STK32B: variants seen among roughly 807,000 people sequenced by gnomAD.
The protein encoded by STK32B is serine/threonine kinase 32B, also known as serine/threonine-protein kinase 32B.
In STK32B, 43 loss-of-function variants were observed where a neutral mutation model predicts 52.6. The observed-to-expected ratio is 0.82, with a 90% CI of 0.64 to 1.05. STK32B has a LOEUF of 1.05. Among genes scored for constraint, STK32B ranks in the 50% least tolerant of loss-of-function variants. The pLI is 0.00. For missense variants in STK32B, 621 were observed against 534.6 expected (o/e 1.16, Z -1.59); for synonymous variants, 238 against 204.3 (o/e 1.17, Z -1.41).
intron 3 of STK32B, among the ~76,000 whole-genome samples, chr4:5,250,473 T>C (rs28882123): frequency 0.088 from 13,414 of 152,012 alleles, 891 homozygotes; most frequent in African/African-American, 0.19. Flanking sequence ...TCACTACGCT[T>C]GGCTAATTTT....
chr4:5,316,724 AT>A (rs1371256314), intron 3 of STK32B, among the ~76,000 whole-genome samples: 275 of 9,080 alleles, frequency 0.03, 24 homozygotes, highest in South Asian at 0.075. Context: ...ATAATAATAT[AT>A]TATATAATAT....
chr4:5,105,764 T>C (rs66685139), intron 1 of STK32B, among the ~76,000 whole-genome samples: 23,365 of 151,698 alleles, frequency 0.15, 2,233 homozygotes, highest in Middle Eastern at 0.24. Flanking sequence ...AGGGTTTCAC[T>C]GTGTTAGCCA....
At chr4:5,367,935 T>C (rs1295459004) in intron 4 of STK32B, among the ~76,000 whole-genome samples, 1 of 152,114 alleles carries the variant, frequency 6.6e-6, no homozygotes, top group Non-Finnish European at 1.5e-5. Context: ...TTAAGGAACC[T>C]GAGGTGGGGA....
At chr4:5,412,723 C>A (rs186776222) in intron 5 of STK32B, among the ~76,000 whole-genome samples, 1 of 152,336 alleles carries the variant, frequency 6.6e-6, no homozygotes, top group East Asian at 1.9e-4. Context: ...TGAGATTTGA[C>A]ACCTATTCTG....
intron 3 of STK32B, among the ~76,000 whole-genome samples, chr4:5,190,048 C>T (rs1721057751): frequency 6.6e-6 from 1 of 152,094 alleles, no homozygotes; most frequent in Non-Finnish European, 1.5e-5. Context: ...ATGATCAGCT[C>T]ACTTGGTTAC....
chr4:5,100,424 T>A (rs1314816398), intron 1 of STK32B, among the ~76,000 whole-genome samples: 1 of 140,658 alleles, frequency 7.1e-6, no homozygotes, highest in Non-Finnish European at 1.5e-5. Flanking sequence ...CTCCTTGCCT[T>A]CCTTCCCTCC....
intron 11 of STK32B, among the ~76,000 whole-genome samples, chr4:5,471,787 G>C (rs1306947347): frequency 1.3e-5 from 2 of 152,122 alleles, no homozygotes; most frequent in Non-Finnish European, 2.9e-5. Context: ...GTTCTGAGTT[G>C]AGTCATAAGG....
At chr4:5,062,806 A>C (rs28729447) in intron 1 of STK32B, among the ~76,000 whole-genome samples, 27,656 of 152,016 alleles carry the variant, frequency 0.18, 2,705 homozygotes, top group Non-Finnish European at 0.21. Flanking sequence ...CCATGCCTGG[A>C]CAGTTTTTAT....
the STK32B span, among the ~76,000 whole-genome samples, chr4:5,038,835 CAT>C: frequency 6.6e-6 from 1 of 152,102 alleles, no homozygotes; most frequent in Non-Finnish European, 1.5e-5. Context: ...TTTATAAAAA[CAT>C]ATTTTATTTC....
At chr4:5,261,293 A>C (rs1360317105) in intron 3 of STK32B, among the ~76,000 whole-genome samples, 3 of 152,216 alleles carry the variant, frequency 2.0e-5, no homozygotes, top group Non-Finnish European at 4.4e-5. Flanking sequence ...GAACATGGAA[A>C]ATATATGCAT....
intron 3 of STK32B, among the ~76,000 whole-genome samples, chr4:5,257,779 C>G (rs1726425212): frequency 1.3e-5 from 2 of 152,090 alleles, no homozygotes; most frequent in African/African-American, 4.8e-5. Flanking sequence ...GCTGTCTTTA[C>G]TAAAAATACA....
chr4:5,233,593 G>T (rs1221951393), intron 3 of STK32B, among the ~76,000 whole-genome samples: 1 of 151,878 alleles, frequency 6.6e-6, no homozygotes, highest in Non-Finnish European at 1.5e-5. Flanking sequence ...AGCAATTAAA[G>T]TAGATGAAGA....
chr4:5,316,337 TA>T (rs1206800825), intron 3 of STK32B, among the ~76,000 whole-genome samples: 2 of 52,780 alleles, frequency 3.8e-5, no homozygotes, highest in Non-Finnish European at 5.6e-5. Context: ...ATATACAATA[TA>T]ATATATTATA....
At chr4:5,096,180 A>T (rs1192156364) in intron 1 of STK32B, among the ~76,000 whole-genome samples, 3 of 152,258 alleles carry the variant, frequency 2.0e-5, no homozygotes, top group Non-Finnish European at 2.9e-5. Flanking sequence ...AATGTTGTTT[A>T]AAACACCATT....
chr4:5,215,404 C>T (rs1306514165), intron 3 of STK32B, among the ~76,000 whole-genome samples: 3 of 152,138 alleles, frequency 2.0e-5, no homozygotes, highest in African/African-American at 7.2e-5. Context: ...CATTTTGCCT[C>T]CAAATGAACC....
intron 11 of STK32B, among the ~76,000 whole-genome samples, chr4:5,471,595 C>T (rs1020390594): frequency 6.6e-6 from 1 of 152,118 alleles, no homozygotes; most frequent in African/African-American, 2.4e-5. Flanking sequence ...AACTTAGTTA[C>T]GGCCACCCAG....
intron 3 of STK32B, among the ~76,000 whole-genome samples, chr4:5,207,267 A>G (rs925141001): frequency 6.6e-6 from 1 of 152,212 alleles, no homozygotes; most frequent in African/African-American, 2.4e-5. Context: ...CTTGAATTTT[A>G]GCTCCCATAA....
intron 4 of STK32B, among the ~76,000 whole-genome samples, chr4:5,366,922 A>T (rs1200146543): frequency 6.6e-6 from 1 of 152,082 alleles, no homozygotes; most frequent in Admixed American, 6.5e-5. Flanking sequence ...TTGCATTCTT[A>T]GCCACACCCC....
intron 4 of STK32B, among the ~76,000 whole-genome samples, chr4:5,348,179 G>C (rs1261254683): frequency 2.0e-5 from 3 of 152,150 alleles, no homozygotes; most frequent in South Asian, 2.1e-4. Context: ...CAGGGGTCCA[G>C]ATTCCCACAA....
Sources: gnomAD v4.1 joint callset for allele counts (sites outside exome capture counted in the v4.1 genomes callset) on GRCh38, gnomAD v4.1.1 for gene constraint, MANE v1.5 for transcripts, NCBI Gene and HGNC (gene_info 2026-07-23, HGNC 2026-07-21) for gene names.